The following PKNOX2 variants were observed in gnomAD, a reference collection of about 807,000 sequenced individuals.
The protein encoded by PKNOX2 is PBX/knotted 1 homeobox 2.
PKNOX2 carries 14 observed loss-of-function variants against 53.1 expected under a neutral mutation model. The observed-to-expected ratio is 0.26, with a 90% confidence interval of 0.17 to 0.41. PKNOX2 has a LOEUF of 0.41. Among genes scored for constraint, PKNOX2 ranks in the 10% least tolerant of loss-of-function variants. PKNOX2 has a pLI of 1.00. For synonymous variants in PKNOX2, 257 were observed against 242.8 expected (o/e 1.06, Z -0.54); for missense variants, 496 against 602.8 (o/e 0.82, Z 1.85).
chr11:125,187,425 GTTAAAT>G (rs1956522714), intron 1 of PKNOX2, among the ~76,000 whole-genome samples: 1 of 151,784 alleles, frequency 6.6e-6, no homozygotes, highest in Non-Finnish European at 1.5e-5. Context: ...CATCTCCTTG[GTTAAAT>G]TTATTTCTAG....
chr11:125,363,190 G>A (rs2136254123), intron 4 of PKNOX2, among the ~76,000 whole-genome samples: 2 of 152,272 alleles, frequency 1.3e-5, no homozygotes, highest in Non-Finnish European at 2.9e-5. Flanking sequence ...AAAGCACTGG[G>A]ATTACAGGCG....
At chr11:125,360,676 A>G (rs557113395) in intron 4 of PKNOX2, among the ~76,000 whole-genome samples, 2 of 152,310 alleles carry the variant, frequency 1.3e-5, no homozygotes, top group East Asian at 3.9e-4. Context: ...CCACACTGGT[A>G]GGACCCCCAG....
At chr11:125,325,482 T>G (rs1481631715) in intron 2 of PKNOX2, among the ~76,000 whole-genome samples, 1 of 152,180 alleles carries the variant, frequency 6.6e-6, no homozygotes, top group Admixed American at 6.5e-5. Context: ...AGACACCCTG[T>G]ATGGGGCTCA....
At chr11:125,225,499 C>T (rs1415904468) in intron 1 of PKNOX2, among the ~76,000 whole-genome samples, 2 of 152,174 alleles carry the variant, frequency 1.3e-5, no homozygotes, top group Non-Finnish European at 2.9e-5. Context: ...AGAGTCTGCC[C>T]AGGCCCATCC....
chr11:125,389,169 T>G (rs1222985032), intron 6 of PKNOX2, among the ~76,000 whole-genome samples: 1 of 151,896 alleles, frequency 6.6e-6, no homozygotes, highest in Non-Finnish European at 1.5e-5. Context: ...CACTCCAGCC[T>G]GGGCAGCAAA....
At chr11:125,189,443 GTGTGTATATATA>G (rs1434748400) in intron 1 of PKNOX2, among the ~76,000 whole-genome samples, 17 of 56,660 alleles carry the variant, frequency 3.0e-4, no homozygotes, top group East Asian at 2.6e-3. Context: ...GTGTGTGTGT[GTGTGTATATATA>G]TATATATATA....
intron 2 of PKNOX2, among the ~76,000 whole-genome samples, chr11:125,309,264 C>T (rs1324994340): frequency 6.6e-6 from 1 of 150,920 alleles, no homozygotes; most frequent in Non-Finnish European, 1.5e-5. Flanking sequence ...CATCCTTGCA[C>T]ATCACAACAC....
rs925420156 is a variant in PKNOX2, at chr11:125,210,765, A to G, written c.-200-24280A>G. On this transcript the variant is annotated intron_variant, in intron 1 of 12. Coordinates refer to ENST00000298282, the MANE Select transcript of PKNOX2 (RefSeq NM_001382323.2). ...CCGCCTCCTACTTCTGGGAAAGTGC[A>G]GAGTTCAGGATCTTCAAATTCCACT... Among the ~76,000 whole-genome samples, 18 of 152,092 alleles carry G rather than the reference A, an allele frequency of 1.2e-4. 1 individual carries two copies. The highest frequency in any genetic ancestry group is 4.3e-4 in the African/African-American group (18 of 41,444).
rs541973490 is a variant in PKNOX2 at position 125,295,769 on chromosome 11, A to G, written c.-129-36050A>G. On this transcript the variant is annotated intron_variant, in intron 2 of 12. Transcript: ENST00000298282. ...GCTCGCATGGACTGCCCCCATCCTGACCACCCATAGCCTTTCTCGTCTGTA... is the reference window on the plus strand; with the variant it reads ...GCTCGCATGGACTGCCCCCATCCTGGCCACCCATAGCCTTTCTCGTCTGTA... Among the ~76,000 whole-genome samples, 470 of 152,138 alleles carry G rather than the reference A, an allele frequency of 3.1e-3. 2 individuals are homozygous for G. Among genetic ancestry groups the G allele is most frequent in the African/African-American group, 0.011 (456 of 41,528 alleles).
At chr11:125,255,644 A>C (rs957300957) in intron 2 of PKNOX2, among the ~76,000 whole-genome samples, 17 of 152,060 alleles carry the variant, frequency 1.1e-4, no homozygotes, top group Admixed American at 7.9e-4. Context: ...AGATATTTTC[A>C]GAATGAGACA....
chr11:125,286,414 T>C (rs1269998192), intron 2 of PKNOX2, among the ~76,000 whole-genome samples: 1 of 152,268 alleles, frequency 6.6e-6, no homozygotes, highest in African/African-American at 2.4e-5. Flanking sequence ...TAAACACTTC[T>C]TCTCCAACAA....
intron 1 of PKNOX2, among the ~76,000 whole-genome samples, chr11:125,178,741 G>GAAGGAAGAGAGAAAGAAAGA (rs377297369): frequency 3.0e-5 from 4 of 134,518 alleles, no homozygotes; most frequent in African/African-American, 1.5e-4. Context: ...AGAGAGAAAG[G>GAAGGAAGAGAGAAAGAAAGA]AAGAAAGAGA....
intron 2 of PKNOX2, among the ~76,000 whole-genome samples, chr11:125,248,695 A>G (rs1370222324): frequency 1.3e-5 from 2 of 148,418 alleles, no homozygotes; most frequent in African/African-American, 4.9e-5. Context: ...TTATATATAC[A>G]CATTATATAT....
intron 5 of PKNOX2, among the ~76,000 whole-genome samples, chr11:125,372,009 G>A (rs141035876): frequency 6.6e-6 from 1 of 152,172 alleles, no homozygotes; most frequent in African/African-American, 2.4e-5. Context: ...AGAGGACAGG[G>A]TCTGCGTCTG....
In PKNOX2 at chr11:125,370,832, G is replaced by A. The variant is rs1405589671; in HGVS notation, c.227+2847G>A. Among the ~76,000 whole-genome samples, 7 of 152,258 alleles carry A rather than the reference G, an allele frequency of 4.6e-5. No homozygotes were observed. Among genetic ancestry groups the A allele is most frequent in the African/African-American group, 1.7e-4 (7 of 41,474 alleles). On this transcript the variant is annotated intron_variant, in intron 5 of 12. Coordinates refer to ENST00000298282, the MANE Select transcript of PKNOX2 (RefSeq NM_001382323.2). The surrounding 1 kb of genome is among the most constrained non-coding windows in gnomAD (Gnocchi z 4.1). Reference sequence around the variant, plus strand: ...TGGCTGCTCCAAAGCACATCAGGGAGTCGGCATTTTATGTCAATAAGTGTA... The same window carrying A: ...TGGCTGCTCCAAAGCACATCAGGGAATCGGCATTTTATGTCAATAAGTGTA...
chr11:125,418,128 GGTT>G (rs1955987547), intron 10 of PKNOX2, among the ~76,000 whole-genome samples: 1 of 151,970 alleles, frequency 6.6e-6, no homozygotes, highest in Non-Finnish European at 1.5e-5. Flanking sequence ...CAAAAAGAAA[GGTT>G]GTACCCATTA....
At chr11:125,267,019 T>C (rs1945405940) in intron 2 of PKNOX2, among the ~76,000 whole-genome samples, 1 of 152,230 alleles carries the variant, frequency 6.6e-6, no homozygotes. Context: ...AGACAGAGGC[T>C]GTTTAGAGGC....
chr11:125,407,719 G>C (rs1244364473), intron 7 of PKNOX2, among the ~76,000 whole-genome samples: 1 of 150,902 alleles, frequency 6.6e-6, no homozygotes, highest in Non-Finnish European at 1.5e-5. Flanking sequence ...GGGCAACAGA[G>C]CAAGACTCTC....
intron 2 of PKNOX2, among the ~76,000 whole-genome samples, chr11:125,300,412 G>A (rs570580505): frequency 6.6e-6 from 1 of 152,296 alleles, no homozygotes; most frequent in African/African-American, 2.4e-5. Flanking sequence ...TTACAGATGA[G>A]GCCATTGAGG....
Sources: gnomAD v4.1 joint callset for allele counts (sites outside exome capture counted in the v4.1 genomes callset) on GRCh38, gnomAD v4.1.1 for gene constraint, Gnocchi (gnomAD v3.1) non-coding constraint, MANE v1.5 for transcripts, NCBI Gene and HGNC (gene_info 2026-07-23, HGNC 2026-07-21) for gene names.